The following NEK11 variants were observed in gnomAD, a reference collection of about 807,000 sequenced individuals.
NEK11 encodes NIMA related kinase 11, also known as serine/threonine-protein kinase Nek11.
A neutral mutation model predicts 80.7 loss-of-function variants in NEK11; 72 were observed. The ratio of observed to expected loss-of-function variants is 0.89; its 90% CI spans 0.74 to 1.08. The LOEUF (loss-of-function observed/expected upper bound fraction) is 1.08. NEK11 is among the 50% of genes least tolerant of loss of function. NEK11 has a pLI of 0.00. For missense variants in NEK11, 764 were observed against 763.6 expected, an observed-to-expected ratio of 1.00 and a Z score of -0.01; for synonymous variants, 251 against 260.7, an observed-to-expected ratio of 0.96 and a Z score of 0.36.
At chr3:131,115,968 T>TTCTTTCTTTC (rs2081119882) in intron 5 of NEK11, among the ~76,000 whole-genome samples, 22 of 145,196 alleles carry the variant, frequency 1.5e-4, no homozygotes, top group South Asian at 4.4e-4. Context: ...CTTTCTTTCT[T>TTCTTTCTTTC]TCTTTCTTTC....
At chr3:131,166,500 T>C (rs1560745901) in intron 12 of NEK11, among the ~76,000 whole-genome samples, 1 of 152,228 alleles carries the variant, frequency 6.6e-6, no homozygotes, top group Non-Finnish European at 1.5e-5. Flanking sequence ...CTGTGTGCTT[T>C]GGAGTTCTAA....
At chr3:131,323,864 A>T (rs1468962528) in intron 17 of NEK11, among the ~76,000 whole-genome samples, 1 of 152,118 alleles carries the variant, frequency 6.6e-6, no homozygotes, top group African/African-American at 2.4e-5. Flanking sequence ...GTGCAAACCA[A>T]GGCACTTTTG....
intron 7 of NEK11, among the ~76,000 whole-genome samples, chr3:131,145,718 T>A (rs943317469): frequency 6.6e-6 from 1 of 152,178 alleles, no homozygotes; most frequent in Non-Finnish European, 1.5e-5. Context: ...AGAGAGTCTG[T>A]GTCTCTAGAG....
intron 3 of NEK11, among the ~76,000 whole-genome samples, chr3:131,052,599 G>T (rs916913602): frequency 2.0e-5 from 3 of 152,144 alleles, no homozygotes; most frequent in Admixed American, 1.3e-4. Context: ...AGTGACAACA[G>T]TGTTACCTTG....
Position 131,133,853 on chromosome 3 carries a change from C to G in NEK11, c.544C>G (p.Leu182Val). 6.2e-7 allele frequency: 1 copy of G among 1,612,302 alleles called. No homozygotes were observed. The highest frequency in any genetic ancestry group is 8.5e-7 in the Non-Finnish European group (1 of 1,178,864). Reference sequence around the variant, plus strand: ...AGGAGATTTTGGAGTTTCTCGACTTCTAATGGGATCCTGTGACCTGGCCAC... The same window carrying G: ...AGGAGATTTTGGAGTTTCTCGACTTGTAATGGGATCCTGTGACCTGGCCAC... ...KIGDFGVSRLLMGSCDLATTL... is the reference protein window; with the variant it reads ...KIGDFGVSRLVMGSCDLATTL... The change falls in exon 7 of 18, where the codon CTA becomes GTA. Residue 182 changes from leucine to valine, a missense_variant. Physicochemically the swap from Leu to Val is conservative, Grantham distance 32 (BLOSUM62 1). Transcript: ENST00000383366.
chr3:131,062,923 ATGG>A (rs1015820372), intron 3 of NEK11, among the ~76,000 whole-genome samples: 1 of 152,244 alleles, frequency 6.6e-6, no homozygotes, highest in African/African-American at 2.4e-5. Flanking sequence ...GGCAAGAGAA[ATGG>A]AAGTAAAGGG....
intron 16 of NEK11, among the ~76,000 whole-genome samples, chr3:131,267,189 T>G (rs1333948219): frequency 6.6e-6 from 1 of 152,222 alleles, no homozygotes; most frequent in African/African-American, 2.4e-5. Flanking sequence ...CCCATTGACA[T>G]TTAAGATTAA....
intron 3 of NEK11, 94 bp from the exon 4 acceptor site, chr3:131,080,329 C>A (rs2075059623): frequency 1.1e-6 from 1 of 887,712 alleles, no homozygotes; most frequent in South Asian, 1.8e-5. Flanking sequence ...TAGGTCACAA[C>A]CTGGGCATTA....
intron 17 of NEK11, among the ~76,000 whole-genome samples, chr3:131,309,637 G>A (rs977835433): frequency 1.3e-5 from 2 of 151,164 alleles, no homozygotes; most frequent in East Asian, 1.9e-4. Flanking sequence ...ATTATCTGCC[G>A]AAGTGGAAGA....
chr3:131,322,863 C>A (rs559154541), intron 17 of NEK11, among the ~76,000 whole-genome samples: 1 of 152,294 alleles, frequency 6.6e-6, no homozygotes, highest in East Asian at 1.9e-4. Context: ...TTGTTTGAAT[C>A]TTTCCTTCTG....
chr3:131,203,915 C>T (rs1407033021), intron 14 of NEK11, among the ~76,000 whole-genome samples: 1 of 150,834 alleles, frequency 6.6e-6, no homozygotes, highest in Admixed American at 6.6e-5. Context: ...CCCCTGCCCT[C>T]CTTTCTCTCA....
At chr3:131,283,341 A>T (rs2096427263) in intron 17 of NEK11, among the ~76,000 whole-genome samples, 1 of 152,198 alleles carries the variant, frequency 6.6e-6, no homozygotes, top group South Asian at 2.1e-4. Flanking sequence ...AACTCACCTT[A>T]GAGATGCAGA....
intron 3 of NEK11, among the ~76,000 whole-genome samples, chr3:131,034,248 T>C (rs1453112123): frequency 6.6e-6 from 1 of 152,158 alleles, no homozygotes; most frequent in Admixed American, 6.5e-5. Context: ...ACAGCTACAG[T>C]GAATTTCAAC....
intron 5 of NEK11, among the ~76,000 whole-genome samples, chr3:131,120,374 G>T (rs187726735): frequency 3.7e-4 from 57 of 152,264 alleles, no homozygotes; most frequent in African/African-American, 1.1e-3. Context: ...GTTTCCCTTT[G>T]TGGGTAACCC....
chr3:131,078,663 T>G (rs2074773538), intron 3 of NEK11, among the ~76,000 whole-genome samples: 1 of 152,158 alleles, frequency 6.6e-6, no homozygotes, highest in Non-Finnish European at 1.5e-5. Flanking sequence ...ACTGAGAAGT[T>G]AATAGCATAA....
intron 17 of NEK11, among the ~76,000 whole-genome samples, chr3:131,285,474 G>A (rs2096459391): frequency 6.6e-6 from 1 of 152,224 alleles, no homozygotes; most frequent in Non-Finnish European, 1.5e-5. Context: ...TTCTTGAGCT[G>A]AGCTCAGCTG....
At chr3:131,171,490 C>T (rs1560778546) in intron 14 of NEK11, among the ~76,000 whole-genome samples, 2 of 152,116 alleles carry the variant, frequency 1.3e-5, no homozygotes, top group Non-Finnish European at 2.9e-5. Context: ...CAGATACATG[C>T]AAATGGAGTA....
chr3:131,047,471 C>G (rs1197203137), intron 3 of NEK11, among the ~76,000 whole-genome samples: 2 of 152,166 alleles, frequency 1.3e-5, no homozygotes, highest in Non-Finnish European at 2.9e-5. Context: ...AGGGTGCTCC[C>G]TTGATGTGGT....
chr3:131,124,579 A>G (rs898382434), intron 5 of NEK11, among the ~76,000 whole-genome samples: 7 of 152,036 alleles, frequency 4.6e-5, no homozygotes, highest in African/African-American at 1.7e-4. Context: ...GTGTCAAGGG[A>G]GAAGAGGAGG....
Sources: allele counts gnomAD v4.1 joint callset (sites outside exome capture counted in the v4.1 genomes callset), GRCh38; gene constraint gnomAD v4.1.1; transcripts MANE v1.5; gene names NCBI Gene and HGNC (gene_info 2026-07-23, HGNC 2026-07-21).